The following CHD6 variants were observed in gnomAD, a reference collection of about 807,000 sequenced individuals.
CHD6 encodes the protein ATP-dependent chromatin remodeler CHD6.
In CHD6, 50 loss-of-function variants were observed where a neutral mutation model predicts 276.9. The observed-to-expected ratio is 0.18, with a 90% confidence interval of 0.14 to 0.23. The LOEUF (loss-of-function observed/expected upper bound fraction) is 0.23. CHD6 is among the 10% of genes least tolerant of loss of function. The pLI is 1.00. For missense variants in CHD6, 2,564 were observed against 3,365.8 expected, an observed-to-expected ratio of 0.76 and a Z score of 5.89; for synonymous variants, 1,173 against 1,229.3, an observed-to-expected ratio of 0.95 and a Z score of 0.96.
rs185958227 is a variant in CHD6 at position 41,482,002 on chromosome 20, C to T, written c.2468+1307G>A. The stretch of plus-strand genomic sequence containing the variant: ...GCAGGTGGTAGTGTTACATTATTTC[C>T]GCATTTTCAAGAGAAACTACAATCT... On this transcript the variant is annotated intron_variant, in intron 16 of 36. Transcript: ENST00000373233. 7.4e-4 allele frequency among the ~76,000 whole-genome samples: 113 copies of T among 151,956 alleles called. 3 individuals carry two copies. The East Asian group carries it at 0.013, about 17-fold the overall frequency.
Position 41,404,855 on chromosome 20 carries a change from G to A in CHD6, c.7886C>T (p.Ser2629Phe), listed in dbSNP as rs1403278354. Residue 2629 changes from serine to phenylalanine, a missense_variant, in exon 37 of 37, where the codon TCC (serine) becomes TTC (phenylalanine). Physicochemically the swap from Ser to Phe is radical, Grantham distance 155. This residue lies in a region of CHD6 where 238 missense variants were observed against 266.0 expected (regional missense o/e 0.89). Transcript: ENST00000373233. ...TGGCAGAGCCATGCCCATACCAGGGGAGAGGAACATGGATGGGTAAATGAG... is the reference window on the plus strand; with the variant it reads ...TGGCAGAGCCATGCCCATACCAGGGAAGAGGAACATGGATGGGTAAATGAG... ...PGLIYPSMFL[S>F]PGMGMALPAM... is the part of the protein sequence containing the mutation. 1.2e-6 allele frequency: 2 copies of A among 1,614,040 alleles called. No individual in the cohort carries two copies. Among genetic ancestry groups the A allele is most frequent in the South Asian group, 2.2e-5 (2 of 91,076 alleles).
intron 1 of CHD6, among the ~76,000 whole-genome samples, chr20:41,588,919 G>C (rs1406130097): frequency 6.6e-6 from 1 of 152,142 alleles, no homozygotes; most frequent in Non-Finnish European, 1.5e-5. Context: ...AACAAAAAAA[G>C]AGAATTTTAG....
At chr20:41,579,043 T>C (rs1295648123) in intron 1 of CHD6, among the ~76,000 whole-genome samples, 1 of 130,210 alleles carries the variant, frequency 7.7e-6, no homozygotes, top group South Asian at 2.5e-4. Context: ...GGCAGGAGAA[T>C]CGCTGGAACC....
intron 36 of CHD6, among the ~76,000 whole-genome samples, chr20:41,406,196 AC>A (rs1367072319): frequency 2.0e-5 from 3 of 152,168 alleles, no homozygotes; most frequent in Non-Finnish European, 2.9e-5. Context: ...GAAATGAAGG[AC>A]TTCTTGAACA....
intron 5 of CHD6, among the ~76,000 whole-genome samples, chr20:41,510,576 T>C (rs1247480913): frequency 7.2e-5 from 11 of 152,246 alleles, no homozygotes; most frequent in African/African-American, 1.7e-4. Context: ...TTTCTCCATA[T>C]ATAAACCCTC....
rs955949657 is a variant in CHD6, at chr20:41,437,326, G to A, written c.4016C>T (p.Thr1339Ile). The change falls in exon 27 of 37, where the codon ACA (threonine) becomes ATA (isoleucine). Residue 1339 changes from threonine to isoleucine, a missense_variant. Thr to Ile is a moderately conservative substitution (Grantham distance 89, BLOSUM62 -1). Coordinates refer to ENST00000373233, the MANE Select transcript of CHD6 (RefSeq NM_032221.5). ...GTSDIPERGNTDKEDNAEDKV... is the reference protein window; with the variant it reads ...GTSDIPERGNIDKEDNAEDKV... ...GTCCTCAGCATTGTCTTCTTTATCT[G>A]TGTTGCCTCTAAATAAAAGTAAAAA... 3 of 1,611,620 alleles carry A rather than the reference G, an allele frequency of 1.9e-6. No homozygotes were observed. The highest frequency in any genetic ancestry group is 2.7e-5 in the African/African-American group (2 of 74,792).
chr20:41,534,644 GA>G, intron 2 of CHD6, among the ~76,000 whole-genome samples: 1 of 151,810 alleles, frequency 6.6e-6, no homozygotes, highest in Non-Finnish European at 1.5e-5. Flanking sequence ...AATACAAAGG[GA>G]ATTGGTCATT....
At chr20:41,599,596 A>ACAAC (rs2045753381) in intron 1 of CHD6, among the ~76,000 whole-genome samples, 1 of 152,126 alleles carries the variant, frequency 6.6e-6, no homozygotes, top group South Asian at 2.1e-4. Flanking sequence ...CTACTCCCAG[A>ACAAC]CAACCAAGAG....
intron 31 of CHD6, 25 bp from the exon 32 acceptor site, chr20:41,417,374 CA>C: frequency 6.2e-7 from 1 of 1,604,320 alleles, no homozygotes; most frequent in South Asian, 1.1e-5. Flanking sequence ...AAAAATTAAT[CA>C]GGCACTTAAC....
intron 1 of CHD6, among the ~76,000 whole-genome samples, chr20:41,599,516 G>A (rs1021559967): frequency 1.3e-5 from 2 of 152,040 alleles, no homozygotes; most frequent in Non-Finnish European, 2.9e-5. Flanking sequence ...GTGGATCAGG[G>A]CAAAGGCTTA....
intron 1 of CHD6, among the ~76,000 whole-genome samples, chr20:41,574,340 T>TG (rs1166285483): frequency 6.6e-6 from 1 of 152,182 alleles, no homozygotes; most frequent in African/African-American, 2.4e-5. Flanking sequence ...TACCTATACT[T>TG]GGAGATAATG....
At chr20:41,591,996 G>A in intron 1 of CHD6, among the ~76,000 whole-genome samples, 1 of 152,110 alleles carries the variant, frequency 6.6e-6, no homozygotes, top group Non-Finnish European at 1.5e-5. Flanking sequence ...CTACTCAGGA[G>A]GCAGAGGCAA....
intron 2 of CHD6, among the ~76,000 whole-genome samples, chr20:41,538,587 A>G (rs2044881058): frequency 6.6e-6 from 1 of 152,226 alleles, no homozygotes; most frequent in South Asian, 2.1e-4. Flanking sequence ...TGAATATTCT[A>G]AAAACCACAA....
chr20:41,413,304 C>T lies in CHD6; in HGVS notation c.7131+20G>A, dbSNP rs368238229. 7 of 1,548,808 alleles carry T rather than the reference C, an allele frequency of 4.5e-6. No homozygotes were observed. Among genetic ancestry groups the T allele is most frequent in the Non-Finnish European group, 6.1e-6 (7 of 1,143,670 alleles). ...GCAGGAAGTAAACAGTGATCTCAGG[C>T]AGTACCAACAAACACTTACTGCCCC... On this transcript the variant is annotated intron_variant, in intron 35 of 36. Transcript: ENST00000373233.
At position 41,447,910 on chromosome 20, in the gene CHD6, C is replaced by T; in HGVS notation, c.3745G>A (p.Glu1249Lys). 3.1e-6 allele frequency: 5 copies of T among 1,612,010 alleles called. No homozygotes were observed. The highest frequency in any genetic ancestry group is 4.2e-6 in the Non-Finnish European group (5 of 1,178,934). ...GCAGGAGATCCTTCAAATGCTTTCT[C>T]AGCTGCTTCTCCCAGTATTTCAGCT... ...LKAEILGEAA[E>K]KAFEGSPARE... The change falls in exon 24 of 37, where the codon GAG becomes AAG. Residue 1249 changes from glutamate to lysine, a missense_variant. By Grantham distance (56) the Glu-to-Lys change is moderately conservative. This residue lies in a region of CHD6 where 515 missense variants were observed against 739.5 expected (regional missense o/e 0.70). Coordinates refer to ENST00000373233, the MANE Select transcript of CHD6 (RefSeq NM_032221.5).
intron 14 of CHD6, among the ~76,000 whole-genome samples, chr20:41,486,467 G>A (rs141740546): frequency 6.6e-6 from 1 of 152,154 alleles, no homozygotes; most frequent in Admixed American, 6.5e-5. Context: ...GGCAAATGTA[G>A]GAATTAAGTT....
In CHD6 at chr20:41,416,636, T is replaced by C. The variant is rs1416767336; in HGVS notation, c.6438A>G (p.Ala2146=). 1 of 1,613,846 alleles carries C rather than the reference T, an allele frequency of 6.2e-7. No individual in the cohort carries two copies. The highest frequency in any genetic ancestry group is 8.5e-7 in the Non-Finnish European group (1 of 1,179,968). Residue 2146 remains alanine, a synonymous_variant, in exon 33 of 37, where the codon GCA becomes GCG. Transcript: ENST00000373233. ...CTGCGCCGTTGCTGAAGCTGTGTTC[T>C]GCTGCTTCCGGCTCTGAGAGGCTGG... ...SRTSLSEPEA[A]EHSFSNGAAL... is the part of the protein sequence containing the mutation.
At chr20:41,584,163 A>C in intron 1 of CHD6, among the ~76,000 whole-genome samples, 1 of 152,170 alleles carries the variant, frequency 6.6e-6, no homozygotes, top group Non-Finnish European at 1.5e-5. Context: ...AAAGATACCA[A>C]GCACATACTA....
chr20:41,590,411 A>G (rs938197387), intron 1 of CHD6, among the ~76,000 whole-genome samples: 1 of 152,234 alleles, frequency 6.6e-6, no homozygotes, highest in African/African-American at 2.4e-5. Context: ...AGAAACTACC[A>G]TCAGAGTGAA....
Sources: allele counts gnomAD v4.1 joint callset (sites outside exome capture counted in the v4.1 genomes callset), GRCh38; gene constraint gnomAD v4.1.1; regional missense constraint gnomAD v4.1.1; transcripts MANE v1.5; gene names NCBI Gene and HGNC (gene_info 2026-07-23, HGNC 2026-07-21).